Variants in HEPHL1 observed in about 807,000 individuals in gnomAD.
HEPHL1 encodes ferroxidase HEPHL1.
Under a neutral mutation model 122.0 loss-of-function variants are expected in HEPHL1, and 123 were observed. The ratio of observed to expected loss-of-function variants is 1.01; its 90% CI spans 0.87 to 1.17. The LOEUF (loss-of-function observed/expected upper bound fraction) is 1.17. Ranked by LOEUF, HEPHL1 falls within the 50% of genes most tolerant of loss-of-function variation. HEPHL1 has a pLI of 0.00. For missense variants in HEPHL1, 1,452 were observed against 1,430.5 expected, an observed-to-expected ratio of 1.01 and a Z score of -0.24; for synonymous variants, 527 against 508.9, an observed-to-expected ratio of 1.04 and a Z score of -0.48.
chr11:94,052,979 GC>G (rs1480824790), intron 2 of HEPHL1, among the ~76,000 whole-genome samples: 1 of 151,984 alleles, frequency 6.6e-6, no homozygotes, highest in Non-Finnish European at 1.5e-5. Context: ...GGTAATACTT[GC>G]CTCATAGAAG....
intron 2 of HEPHL1, among the ~76,000 whole-genome samples, chr11:94,050,961 C>T (rs767371078): frequency 6.6e-6 from 1 of 152,066 alleles, no homozygotes; most frequent in Non-Finnish European, 1.5e-5. Flanking sequence ...TAATGACCTC[C>T]GGTTCAATCC....
intron 1 of HEPHL1, among the ~76,000 whole-genome samples, chr11:94,043,582 C>T (rs893035537): frequency 3.3e-5 from 5 of 152,134 alleles, no homozygotes; most frequent in Non-Finnish European, 7.3e-5. Flanking sequence ...CCATCCGAAG[C>T]ACAGAGAATG....
At chr11:94,059,835 G>T (rs1299241725) in intron 2 of HEPHL1, among the ~76,000 whole-genome samples, 1 of 151,778 alleles carries the variant, frequency 6.6e-6, no homozygotes, top group African/African-American at 2.4e-5. Context: ...TAAAAACAAG[G>T]CCCATTAAGT....
chr11:94,035,190 G>A (rs535856630), intron 1 of HEPHL1, among the ~76,000 whole-genome samples: 4 of 152,284 alleles, frequency 2.6e-5, no homozygotes, highest in Admixed American at 6.5e-5. Flanking sequence ...TTCTATTTGA[G>A]TAAGGTATTG....
chr11:94,035,289 T>C (rs1256589893), intron 1 of HEPHL1, among the ~76,000 whole-genome samples: 1 of 152,236 alleles, frequency 6.6e-6, no homozygotes, highest in Non-Finnish European at 1.5e-5. Context: ...ACAATGGCTT[T>C]GTTCCTTCCT....
intron 9 of HEPHL1, among the ~76,000 whole-genome samples, chr11:94,078,180 T>G (rs2134436843): frequency 6.6e-6 from 1 of 152,154 alleles, no homozygotes; most frequent in East Asian, 1.9e-4. Context: ...ATCCCCAAGG[T>G]TAAGAAGTTT....
chr11:94,021,474 G>C lies in HEPHL1; in HGVS notation c.106G>C (p.Glu36Gln), dbSNP rs1401874751. The part of the protein sequence containing the change: ...TRTYYIGIVE[E>Q]YWNYVPQGKN... ...AACGTACTACATTGGGATTGTGGAA[G>C]AATACTGGAACTATGTACCCCAAGG... The change falls in exon 1 of 20, where the codon GAA becomes CAA. Residue 36 changes from glutamate to glutamine, a missense_variant. By Grantham distance (29) the Glu-to-Gln change is conservative. Transcript: ENST00000315765. 1 of 1,613,432 alleles carries C rather than the reference G, an allele frequency of 6.2e-7. No homozygotes were observed. Among genetic ancestry groups the C allele is most frequent in the Non-Finnish European group, 8.5e-7 (1 of 1,179,432 alleles).
chr11:94,032,642 A>T (rs1945685722), intron 1 of HEPHL1, among the ~76,000 whole-genome samples: 2 of 152,046 alleles, frequency 1.3e-5, no homozygotes, highest in African/African-American at 4.8e-5. Context: ...AGGGCAGGAG[A>T]GGGGTCCGCC....
intron 9 of HEPHL1, among the ~76,000 whole-genome samples, chr11:94,076,781 T>A (rs905864950): frequency 3.3e-5 from 5 of 152,144 alleles, no homozygotes; most frequent in African/African-American, 4.8e-5. Flanking sequence ...GGTGGAGAGA[T>A]GAAAATGGGA....
intron 13 of HEPHL1, 131 bp downstream of exon 13, chr11:94,093,771 T>C: frequency 9.9e-7 from 1 of 1,009,778 alleles, no homozygotes; most frequent in Non-Finnish European, 1.4e-6. Flanking sequence ...TTCCTCCAAG[T>C]GTAATATCTT....
rs1270328743 is a variant in HEPHL1, at chr11:94,113,178, T to C, written c.*1284T>C. 2 of 152,158 alleles carry C rather than the reference T, an allele frequency of 1.3e-5. No homozygotes were observed. The highest frequency in any genetic ancestry group is 4.8e-5 in the African/African-American group (2 of 41,434). The allele number at this position is 152,158 out of a possible 1,614,324, so 9.4% of individuals were successfully genotyped here. A position where few individuals can be genotyped will look rare whatever the true frequency, so the allele number is the denominator to read the frequency against. On this transcript the variant is annotated 3_prime_UTR_variant, in exon 20 of 20. Transcript: ENST00000315765. ...TCCATACCTATGCTTAGACAGTAGG[T>C]GTAAGATTGATAAAAGTAACATTGT...
In HEPHL1 at chr11:94,024,454, T is replaced by C. The variant is rs577827515; in HGVS notation, c.170+2916T>C. The stretch of plus-strand genomic sequence containing the variant: ...GCCAGTTCTAGAAAGATTTTTGCAA[T>C]GGTGAAAGAAAGGAGAGAGATGATT... On this transcript the variant is annotated intron_variant, in intron 1 of 19. Transcript: ENST00000315765. Among the ~76,000 whole-genome samples the C allele has an allele frequency of 2.6e-5, 4 of 152,348 alleles. No homozygotes were observed. In the East Asian group the frequency reaches 7.7e-4, roughly 29 times the overall value.
chr11:94,102,847 T>G (rs1308093641), intron 14 of HEPHL1, 67 bp from the exon 15 acceptor site: 7 of 803,676 alleles, frequency 8.7e-6, no homozygotes, highest in Middle Eastern at 2.5e-4. Flanking sequence ...CCTGCTTATA[T>G]TTCTTCAGAT....
intron 1 of HEPHL1, among the ~76,000 whole-genome samples, chr11:94,036,438 G>A (rs543341839): frequency 6.6e-6 from 1 of 152,274 alleles, no homozygotes; most frequent in South Asian, 2.1e-4. Context: ...GGTGAGGGAT[G>A]GGAAGAGTTG....
In HEPHL1 at chr11:94,070,318, A is replaced by G. The variant is rs780972355; in HGVS notation, c.1064-56A>G. The G allele has an allele frequency of 8.6e-6, 13 of 1,505,446 alleles. No individual in the cohort carries two copies. The South Asian group carries it at 1.5e-4, about 18-fold the overall frequency. 93.3% of individuals were successfully genotyped at this position (1,505,446 alleles called of 1,614,324 possible). On this transcript the variant is annotated intron_variant, in intron 5 of 19. Transcript: ENST00000315765. ...GCCAAATCTATCAGTCTTTTCCTAT[A>G]TGATTCCTTTTGTGATCATTTATGC... is the stretch of plus-strand genomic sequence containing the variant.
At chr11:94,098,014 C>A (rs1384536922) in intron 13 of HEPHL1, among the ~76,000 whole-genome samples, 1 of 152,166 alleles carries the variant, frequency 6.6e-6, no homozygotes. Context: ...CACCCATTTA[C>A]ATTTAAGGTT....
chr11:94,100,260 G>C (rs955891011), intron 13 of HEPHL1, among the ~76,000 whole-genome samples: 1 of 152,194 alleles, frequency 6.6e-6, no homozygotes, highest in African/African-American at 2.4e-5. Context: ...TTAAAACCAT[G>C]GCTTGAATCA....
At chr11:94,092,082 G>T (rs1249861077) in intron 12 of HEPHL1, among the ~76,000 whole-genome samples, 1 of 152,214 alleles carries the variant, frequency 6.6e-6, no homozygotes, top group Non-Finnish European at 1.5e-5. Context: ...GCAAAGAGGA[G>T]TACAGGTGGC....
At chr11:94,083,833 T>C (rs1195673046) in intron 10 of HEPHL1, among the ~76,000 whole-genome samples, 1 of 152,106 alleles carries the variant, frequency 6.6e-6, no homozygotes, top group Non-Finnish European at 1.5e-5. Context: ...CCAAACTTCT[T>C]AGTAGACAAT....
Sources: allele counts gnomAD v4.1 joint callset (sites outside exome capture counted in the v4.1 genomes callset), GRCh38; gene constraint gnomAD v4.1.1; transcripts MANE v1.5; gene names NCBI Gene and HGNC (gene_info 2026-07-23, HGNC 2026-07-21).